The following BBS9 variants were observed in gnomAD, a reference collection of about 807,000 sequenced individuals.
The protein encoded by BBS9 is Bardet-Biedl syndrome 9.
A neutral mutation model predicts 117.7 loss-of-function variants in BBS9; 89 were observed. The ratio of observed to expected loss-of-function variants is 0.76; its 90% CI spans 0.64 to 0.90. The LOEUF (loss-of-function observed/expected upper bound fraction) is 0.90. BBS9 is among the 40% of genes least tolerant of loss of function. BBS9 has a pLI of 0.00. For synonymous variants in BBS9, 379 were observed against 370.9 expected (o/e 1.02, Z -0.25); for missense variants, 982 against 1,042.2 (o/e 0.94, Z 0.80).
intron 4 of BBS9, among the ~76,000 whole-genome samples, chr7:33,172,212 C>T (rs1364733838): frequency 2.0e-5 from 3 of 152,038 alleles, no homozygotes; most frequent in South Asian, 2.1e-4. Context: ...AACCCCATCT[C>T]TACTAAAAAA....
chr7:33,388,420 G>A (rs1826429233), intron 19 of BBS9, among the ~76,000 whole-genome samples: 4 of 152,144 alleles, frequency 2.6e-5, no homozygotes, highest in Admixed American at 1.3e-4. Flanking sequence ...TTTATGTAAA[G>A]CAACAAGAAC....
At chr7:33,294,420 T>G (rs1327268124) in intron 9 of BBS9, among the ~76,000 whole-genome samples, 1 of 151,958 alleles carries the variant, frequency 6.6e-6, no homozygotes, top group African/African-American at 2.4e-5. Flanking sequence ...CATCCGAGTA[T>G]GTATGTACAT....
In BBS9 at chr7:33,631,980, C is replaced by T. The variant is rs1335920926; in HGVS notation, c.2522-3197C>T. Reference sequence around the variant, plus strand: ...GCGTAGAATGGAATAAATTCCCTCTCATCACAGAAAGGTATTGTATTTCGT... The same window carrying T: ...GCGTAGAATGGAATAAATTCCCTCTTATCACAGAAAGGTATTGTATTTCGT... On this transcript the variant is annotated intron_variant, in intron 21 of 21. Transcript: ENST00000671952. 6.2e-4 allele frequency among the ~76,000 whole-genome samples: 94 copies of T among 152,158 alleles called. 2 individuals carry two copies. Among genetic ancestry groups the T allele is most frequent in the Admixed American group, 6.2e-3 (94 of 15,282 alleles).
At chr7:33,426,841 G>A (rs1315249037) in intron 19 of BBS9, among the ~76,000 whole-genome samples, 3 of 152,116 alleles carry the variant, frequency 2.0e-5, no homozygotes, top group Admixed American at 6.5e-5. Flanking sequence ...CATCTTGTGA[G>A]CGGAGGGACT....
chr7:33,617,238 A>G (rs1865186580), intron 21 of BBS9, among the ~76,000 whole-genome samples: 2 of 152,128 alleles, frequency 1.3e-5, no homozygotes, highest in South Asian at 2.1e-4. Flanking sequence ...TGTCAACGAG[A>G]AATTCATTTT....
At chr7:33,199,728 G>A (rs181136936) in intron 5 of BBS9, among the ~76,000 whole-genome samples, 2 of 151,522 alleles carry the variant, frequency 1.3e-5, no homozygotes, top group African/African-American at 4.8e-5. Context: ...TTTAAATATG[G>A]TTCAATTCGC....
intron 19 of BBS9, among the ~76,000 whole-genome samples, chr7:33,406,394 C>T (rs138192041): frequency 2.6e-5 from 4 of 152,094 alleles, no homozygotes; most frequent in Non-Finnish European, 4.4e-5. Flanking sequence ...ATCCAATTTG[C>T]TAGTCTGTGT....
intron 20 of BBS9, among the ~76,000 whole-genome samples, chr7:33,524,736 GTC>G (rs1849206631): frequency 6.6e-6 from 1 of 152,032 alleles, no homozygotes; most frequent in Non-Finnish European, 1.5e-5. Context: ...GGGTTTTTGT[GTC>G]TCTATTTCCT....
chr7:33,316,133 G>T (rs1362322376), intron 9 of BBS9, among the ~76,000 whole-genome samples: 1 of 152,096 alleles, frequency 6.6e-6, no homozygotes, highest in Non-Finnish European at 1.5e-5. Flanking sequence ...CCTGCACCCA[G>T]GTAACTGCTG....
chr7:33,568,118 T>C (rs1857199241), intron 21 of BBS9, among the ~76,000 whole-genome samples: 1 of 152,204 alleles, frequency 6.6e-6, no homozygotes, highest in Non-Finnish European at 1.5e-5. Flanking sequence ...TTCCTTAATA[T>C]GGTTATCAGG....
intron 9 of BBS9, among the ~76,000 whole-genome samples, chr7:33,303,875 C>T (rs536359036): frequency 1.3e-4 from 20 of 152,286 alleles, no homozygotes; most frequent in East Asian, 5.8e-4. Flanking sequence ...ACCTCCCAGC[C>T]GCCTGCCTTG....
At chr7:33,264,404 TC>T in intron 7 of BBS9, 30 bp downstream of exon 7, 1 of 1,281,896 alleles carries the variant, frequency 7.8e-7, no homozygotes, top group Non-Finnish European at 1.1e-6. Context: ...TATAAAAATT[TC>T]AATAATGCTA....
At chr7:33,403,614 T>C (rs928801185) in intron 19 of BBS9, among the ~76,000 whole-genome samples, 4 of 151,680 alleles carry the variant, frequency 2.6e-5, no homozygotes, top group African/African-American at 9.7e-5. Context: ...TGATTTCCAA[T>C]TTCATCCATG....
At chr7:33,262,723 G>A (rs140065008) in intron 6 of BBS9, among the ~76,000 whole-genome samples, 1 of 152,128 alleles carries the variant, frequency 6.6e-6, no homozygotes, top group Non-Finnish European at 1.5e-5. Context: ...CTCCTGTCAT[G>A]GCCTTTCATG....
At chr7:33,452,714 T>C (rs1838068482) in intron 19 of BBS9, among the ~76,000 whole-genome samples, 1 of 152,198 alleles carries the variant, frequency 6.6e-6, no homozygotes, top group South Asian at 2.1e-4. Flanking sequence ...ATGTCATAAA[T>C]TTTGAGGGTA....
At chr7:33,511,270 A>G (rs1846924447) in intron 20 of BBS9, among the ~76,000 whole-genome samples, 1 of 152,156 alleles carries the variant, frequency 6.6e-6, no homozygotes, top group Non-Finnish European at 1.5e-5. Flanking sequence ...AACAGCTTAA[A>G]TGACTAAGAT....
intron 21 of BBS9, among the ~76,000 whole-genome samples, chr7:33,567,780 A>G (rs73690924): frequency 1.2e-4 from 18 of 152,282 alleles, no homozygotes; most frequent in African/African-American, 4.3e-4. Flanking sequence ...AACTGAAGTC[A>G]TTATCTTCCA....
chr7:33,320,655 G>A lies in BBS9; in HGVS notation c.1017-15786G>A, dbSNP rs180809493. ...GGTAGCTCTATTTTTAGTTTTTTGA[G>A]GAACTTTGAAACTGCTCTTCATAGT... On this transcript the variant is annotated intron_variant, in intron 9 of 22. Coordinates refer to ENST00000242067, the MANE Select transcript of BBS9 (RefSeq NM_198428.3). 2.0e-5 allele frequency among the ~76,000 whole-genome samples: 3 copies of A among 152,142 alleles called. No individual in the cohort carries two copies. In the East Asian group the frequency reaches 5.8e-4, roughly 29 times the overall value.
At chr7:33,281,622 T>C (rs900843967) in intron 9 of BBS9, among the ~76,000 whole-genome samples, 5 of 151,948 alleles carry the variant, frequency 3.3e-5, no homozygotes, top group Non-Finnish European at 7.4e-5. Flanking sequence ...GCCATTCTCC[T>C]GCCTCAACCT....
Sources: allele counts gnomAD v4.1 joint callset (sites outside exome capture counted in the v4.1 genomes callset), GRCh38; gene constraint gnomAD v4.1.1; transcripts MANE v1.5; gene names NCBI Gene and HGNC (gene_info 2026-07-23, HGNC 2026-07-21).